Variants in PRSS22 observed in about 807,000 individuals in gnomAD.
The protein encoded by PRSS22 is serine protease 22, also known as brain-specific serine protease 4.
In PRSS22, 26 loss-of-function variants were observed where a neutral mutation model predicts 28.0. That is an observed-to-expected ratio of 0.93 (90% CI 0.68 to 1.29). The LOEUF (loss-of-function observed/expected upper bound fraction) is 1.29. Ranked by LOEUF, PRSS22 falls within the 50% of genes most tolerant of loss-of-function variation. The pLI is 0.00. For synonymous variants in PRSS22, 217 were observed against 177.9 expected (o/e 1.22, Z -1.75); for missense variants, 444 against 422.1 (o/e 1.05, Z -0.46).
Position 2,853,390 on chromosome 16 carries a change from C to T in PRSS22, c.718-61G>A. ...CACAGGGGGTGGCAGAATCCAGGGC[C>T]CGTGCCCTGTCAGGGGGCAGATGAG... On this transcript the variant is annotated intron_variant, in intron 5 of 5. Coordinates refer to ENST00000161006, the MANE Select transcript of PRSS22 (RefSeq NM_022119.4). This position sits in a 1 kb window ranked among gnomAD's most constrained non-coding sequence, Gnocchi z 4.6. The T allele has an allele frequency of 7.1e-7, 1 of 1,403,548 alleles. No individual in the cohort carries two copies. The highest frequency in any genetic ancestry group is 9.7e-7 in the Non-Finnish European group (1 of 1,026,062). The allele number at this position is 1,403,548 out of a possible 1,614,324, so 86.9% of individuals were successfully genotyped here.
intron 3 of PRSS22, 23 bp from the exon 4 acceptor site, chr16:2,855,874 G>A (rs1448637779): frequency 1.2e-6 from 2 of 1,603,274 alleles, no homozygotes; most frequent in Non-Finnish European, 1.7e-6. Context: ...GGAAGGGGAG[G>A]ATCAGCCAGG....
chr16:2,855,253 T>C (rs2069443057), intron 4 of PRSS22, among the ~76,000 whole-genome samples: 2 of 143,234 alleles, frequency 1.4e-5, no homozygotes, highest in African/African-American at 5.3e-5. Context: ...GAGGCTGAGG[T>C]GGGAGGATCA....
rs760100029 is a variant in PRSS22, at chr16:2,853,879, G to C, written c.703C>G (p.Arg235Gly). ...MLCAGYLEGE[R>G]DACLGDSGGP... Reference sequence around the variant, plus strand: ...AGGGAGCTCACCAGACAAGCATCCCGCTCCCCCTCCAAGTAGCCGGCACAC... The same window carrying C: ...AGGGAGCTCACCAGACAAGCATCCCCCTCCCCCTCCAAGTAGCCGGCACAC... Residue 235 changes from arginine (R) to glycine (G), a missense_variant, in exon 5 of 6, where the codon CGG becomes GGG. Arg to Gly is a moderately radical substitution (Grantham distance 125). Coordinates refer to ENST00000161006, the MANE Select transcript of PRSS22 (RefSeq NM_022119.4). This position sits in a 1 kb window ranked among gnomAD's most constrained non-coding sequence, Gnocchi z 4.6. 5 of 1,613,854 alleles carry C rather than the reference G, an allele frequency of 3.1e-6. No homozygotes were observed. The African/African-American group carries it at 6.7e-5, about 22-fold the overall frequency.
intron 1 of PRSS22, 190 bp from the exon 2 acceptor site, chr16:2,857,038 C>A: frequency 1.5e-6 from 1 of 663,456 alleles, no homozygotes; most frequent in Non-Finnish European, 2.6e-6. Flanking sequence ...GTCCCAGCAC[C>A]CCCTGAGGAG....
At chr16:2,857,738 G>C (rs779911959) in intron 1 of PRSS22, 8 of 317,688 alleles carry the variant, frequency 2.5e-5, no homozygotes, top group African/African-American at 1.7e-4. Flanking sequence ...GGCAAGCAGC[G>C]GAGGACGAGG....
intron 1 of PRSS22, 45 bp from the exon 2 acceptor site, chr16:2,856,893 G>T (rs2069463102): frequency 6.5e-7 from 1 of 1,550,116 alleles, no homozygotes; most frequent in East Asian, 2.4e-5. Context: ...AGGGGCCCCA[G>T]GACACAGTGG....
At chr16:2,857,753 GGGAGAACAC>G in intron 1 of PRSS22, 1 of 344,928 alleles carries the variant, frequency 2.9e-6, no homozygotes, top group Non-Finnish European at 5.2e-6. Flanking sequence ...ACGAGGAGAT[GGGAGAACAC>G]GGAGGCGAGA....
At position 2,857,237 on chromosome 16, in the gene PRSS22, T is replaced by G. The variant is rs1486380450; in HGVS notation, c.83-389A>C. On this transcript the variant is annotated intron_variant, in intron 1 of 5. Transcript: ENST00000161006. Reference sequence around the variant, plus strand: ...CTCCCCAGCGCCTAGTGAGGAGGGTTCCCCAGCGCCCAGTGAGGAGGGGTC... The same window carrying G: ...CTCCCCAGCGCCTAGTGAGGAGGGTGCCCCAGCGCCCAGTGAGGAGGGGTC... The G allele has an allele frequency of 1.8e-4, 16 of 87,540 alleles. 1 individual carries two copies. The highest frequency in any genetic ancestry group is 4.0e-4 in the African/African-American group (5 of 12,558). The allele number at this position is 87,540 out of a possible 1,614,324, so 5.4% of individuals were successfully genotyped here.
intron 3 of PRSS22, 37 bp downstream of exon 3, chr16:2,856,045 C>T: frequency 1.2e-6 from 2 of 1,606,338 alleles, no homozygotes; most frequent in Non-Finnish European, 1.7e-6. Flanking sequence ...AGCCCAGGGC[C>T]TTAGAAGATC....
Position 2,853,433 on chromosome 16 carries a change from G to C in PRSS22, c.718-104C>G, listed in dbSNP as rs564877928. ...CAGATGAGCCCCTTCCCGGGAGCCC[G>C]TTTCTCCTTCCTGGAGGAGACAGGA... On this transcript the variant is annotated intron_variant, in intron 5 of 5. Transcript: ENST00000161006. This position sits in a 1 kb window ranked among gnomAD's most constrained non-coding sequence, Gnocchi z 4.6. The C allele has an allele frequency of 3.0e-4, 279 of 941,232 alleles. 1 individual carries two copies. The highest frequency in any genetic ancestry group is 9.6e-4 in the Admixed American group (37 of 38,694). The allele number at this position is 941,232 out of a possible 1,614,324, so 58.3% of individuals were successfully genotyped here.
intron 4 of PRSS22, 43 bp from the exon 5 acceptor site, chr16:2,854,065 C>T: frequency 1.2e-6 from 2 of 1,608,856 alleles, no homozygotes; most frequent in Non-Finnish European, 8.5e-7. Flanking sequence ...GGTCTCCCCT[C>T]CTCGTTGCCT....
intron 4 of PRSS22, 139 bp from the exon 5 acceptor site, chr16:2,854,161 A>G: frequency 1.1e-6 from 1 of 923,190 alleles, no homozygotes; most frequent in Non-Finnish European, 1.6e-6. Flanking sequence ...GTCTCTCCCA[A>G]GATGCCTTCA....
At chr16:2,855,522 C>T in intron 4 of PRSS22, 52 bp downstream of exon 4, 1 of 1,598,584 alleles carries the variant, frequency 6.3e-7, no homozygotes, top group Non-Finnish European at 8.5e-7. Flanking sequence ...GAGTGTCTGC[C>T]ATCCTCTGTC....
chr16:2,857,316 C>A (rs1437602798), intron 1 of PRSS22: 2 of 225,738 alleles, frequency 8.9e-6, no homozygotes, highest in Non-Finnish European at 8.3e-6. Flanking sequence ...GGGTCCCCAG[C>A]GCCCAGTGAC....
At position 2,855,569 on chromosome 16, in the gene PRSS22, C is replaced by T. The variant is rs1447385710; in HGVS notation, c.559+5G>A. ...CCAACCACCTTGGAGAGGAAGAAGC[C>T]GCACCTCCATCTTGGATGCTCCCCC... On this transcript the variant is annotated splice_donor_5th_base_variant and intron_variant, in intron 4 of 5. Coordinates refer to ENST00000161006, the MANE Select transcript of PRSS22 (RefSeq NM_022119.4). 1.9e-5 allele frequency: 30 copies of T among 1,613,666 alleles called. No homozygotes were observed. In the East Asian group the frequency reaches 2.7e-4, roughly 14 times the overall value.
At position 2,853,344 on chromosome 16, in the gene PRSS22, C is replaced by G; in HGVS notation, c.718-15G>C. 6.3e-7 allele frequency: 1 copy of G among 1,585,192 alleles called. No homozygotes were observed. Reference sequence around the variant, plus strand: ...CCGGAGTCGCCCTGCAGAGAGGAGGCGAGGTTAGGAACCCCCGTGGCACAG... The same window carrying G: ...CCGGAGTCGCCCTGCAGAGAGGAGGGGAGGTTAGGAACCCCCGTGGCACAG... On this transcript the variant is annotated splice_polypyrimidine_tract_variant and intron_variant, in intron 5 of 5. Transcript: ENST00000161006. This position sits in a 1 kb window ranked among gnomAD's most constrained non-coding sequence, Gnocchi z 4.6.
At chr16:2,856,994 G>A (rs2069464166) in intron 1 of PRSS22, 146 bp from the exon 2 acceptor site, 1 of 928,212 alleles carries the variant, frequency 1.1e-6, no homozygotes, top group South Asian at 1.5e-5. Flanking sequence ...CCAGCACCCA[G>A]TGAGGAGGGT....
At chr16:2,854,406 C>G (rs1396187801) in intron 4 of PRSS22, 2 of 206,552 alleles carry the variant, frequency 9.7e-6, no homozygotes, top group Non-Finnish European at 2.0e-5. Flanking sequence ...CACGCCTTGC[C>G]TGGAGCTGGT....
Position 2,852,887 on chromosome 16 carries a change from G to A in PRSS22, c.*206C>T. 3.6e-6 allele frequency: 2 copies of A among 555,918 alleles called. No homozygotes were observed. The highest frequency in any genetic ancestry group is 6.3e-6 in the Non-Finnish European group (2 of 317,198). 34.4% of individuals were successfully genotyped at this position (555,918 alleles called of 1,614,324 possible). On this transcript the variant is annotated 3_prime_UTR_variant, in exon 6 of 6. Coordinates refer to ENST00000161006, the MANE Select transcript of PRSS22 (RefSeq NM_022119.4). ...GGGCGGGGACATGAGGCCGTTGGGC[G>A]GGGCCTGATGCCTTGGAGGCGGGGC... is the stretch of plus-strand genomic sequence containing the variant.
Sources: gnomAD v4.1 joint callset for allele counts (sites outside exome capture counted in the v4.1 genomes callset) on GRCh38, gnomAD v4.1.1 for gene constraint, Gnocchi (gnomAD v3.1) non-coding constraint, MANE v1.5 for transcripts, NCBI Gene and HGNC (gene_info 2026-07-23, HGNC 2026-07-21) for gene names.